Variants in UBL3 observed in about 807,000 individuals in gnomAD.
UBL3 encodes the protein ubiquitin-like protein 3.
Under a neutral mutation model 18.4 loss-of-function variants are expected in UBL3, and 6 were observed. The observed-to-expected ratio is 0.33, with a 90% confidence interval of 0.18 to 0.64. The LOEUF (loss-of-function observed/expected upper bound fraction) is 0.64. Among genes scored for constraint, UBL3 ranks in the 30% least tolerant of loss-of-function variants. The probability of loss-of-function intolerance (pLI) is 0.76; values close to 1 mark genes in which losing one functional copy is unlikely to be tolerated. For missense variants in UBL3, 109 were observed against 142.9 expected (o/e 0.76, Z 1.21); for synonymous variants, 49 against 46.6 (o/e 1.05, Z -0.21).
rs1243109254 is a variant in UBL3 at position 29,850,605 on chromosome 13, C to T, written c.-1067G>A. The T allele has an allele frequency of 6.4e-6, 1 of 156,018 alleles. No homozygotes were observed. The highest frequency in any genetic ancestry group is 1.4e-5 in the Non-Finnish European group (1 of 71,276). 9.7% of individuals were successfully genotyped at this position (156,018 alleles called of 1,614,324 possible). The stretch of plus-strand genomic sequence containing the variant: ...GCGGCAGCGGCGGCGGCGGCGGCTG[C>T]CTGAGTGCGACTAAGGGAAACGGGG... On this transcript the variant is annotated 5_prime_UTR_variant, in exon 1 of 5. Transcript: ENST00000380680.
At chr13:29,835,165 T>TATAA (rs1878925923) in intron 1 of UBL3, among the ~76,000 whole-genome samples, 3 of 49,838 alleles carry the variant, frequency 6.0e-5, no homozygotes, top group Admixed American at 2.9e-4. Flanking sequence ...TATATATATA[T>TATAA]ATATATATAT....
At chr13:29,816,992 T>C (rs1382015996) in intron 1 of UBL3, among the ~76,000 whole-genome samples, 1 of 152,146 alleles carries the variant, frequency 6.6e-6, no homozygotes, top group African/African-American at 2.4e-5. Flanking sequence ...GCAAAAGTTA[T>C]CCTGCCTGCA....
At position 29,826,711 on chromosome 13, in the gene UBL3, T is replaced by C. The variant is rs900907014; in HGVS notation, c.27+22801A>G. ...CAGTTCTGCTCTGATCTTAGTTATT[T>C]CTTGCCTTCTGCTAGCTTTTGAATG... On this transcript the variant is annotated intron_variant, in intron 1 of 4. Transcript: ENST00000380680. Among the ~76,000 whole-genome samples, 102 of 152,314 alleles carry C rather than the reference T, an allele frequency of 6.7e-4. 2 individuals are homozygous for C. Among genetic ancestry groups the C allele is most frequent in the Middle Eastern group, 3.4e-3 (1 of 294 alleles).
At chr13:29,791,242 C>T (rs1352527391) in intron 1 of UBL3, among the ~76,000 whole-genome samples, 1 of 152,144 alleles carries the variant, frequency 6.6e-6, no homozygotes, top group African/African-American at 2.4e-5. Flanking sequence ...CTGTCAGTTT[C>T]TCAGCCCAAT....
intron 1 of UBL3, among the ~76,000 whole-genome samples, chr13:29,832,075 C>A (rs1878791438): frequency 6.6e-6 from 1 of 152,198 alleles, no homozygotes; most frequent in African/African-American, 2.4e-5. Flanking sequence ...TAAGTTCTAT[C>A]AGACACCTGC....
chr13:29,767,133 A>T lies in UBL3; in HGVS notation c.*122T>A, dbSNP rs566980331. The T allele has an allele frequency of 4.4e-6, 4 of 902,206 alleles. No individual in the cohort carries two copies. In the South Asian group the frequency reaches 5.7e-5, roughly 13 times the overall value. 55.9% of individuals were successfully genotyped at this position (902,206 alleles called of 1,614,324 possible). On this transcript the variant is annotated 3_prime_UTR_variant, in exon 5 of 5. Coordinates refer to ENST00000380680, the MANE Select transcript of UBL3 (RefSeq NM_007106.4). Reference sequence around the variant, plus strand: ...AAAAGATGACAGTGTTCATGTGGTAATTCAGTTCCATGTGTTTACAGGCAG... The same window carrying T: ...AAAAGATGACAGTGTTCATGTGGTATTTCAGTTCCATGTGTTTACAGGCAG...
chr13:29,775,708 C>T (rs1156514362), intron 2 of UBL3, among the ~76,000 whole-genome samples: 22 of 152,082 alleles, frequency 1.4e-4, no homozygotes, highest in Admixed American at 1.4e-3. Context: ...CTCTGCCTCT[C>T]GGGTTCAAGA....
chr13:29,805,416 T>C (rs1215344257), intron 1 of UBL3, among the ~76,000 whole-genome samples: 1 of 152,220 alleles, frequency 6.6e-6, no homozygotes, highest in African/African-American at 2.4e-5. Flanking sequence ...ATTATATTTC[T>C]TGGCCCGGGC....
intron 1 of UBL3, among the ~76,000 whole-genome samples, chr13:29,823,559 G>C (rs1593669627): frequency 6.6e-6 from 1 of 152,356 alleles, no homozygotes; most frequent in African/African-American, 2.4e-5. Flanking sequence ...CAAGTACATT[G>C]AGAAATCACA....
chr13:29,809,237 G>A (rs753644037), intron 1 of UBL3, among the ~76,000 whole-genome samples: 2 of 152,066 alleles, frequency 1.3e-5, no homozygotes, highest in South Asian at 2.1e-4. Flanking sequence ...AGGGAACCTG[G>A]GGAGAGGGAG....
In UBL3 at chr13:29,849,641, C is replaced by A; in HGVS notation, c.-103G>T. Reference sequence around the variant, plus strand: ...AAATAAACCACGATTTTGACTGGTTCGTGATGTGCTTTCTCCCCCAAAAAT... The same window carrying A: ...AAATAAACCACGATTTTGACTGGTTAGTGATGTGCTTTCTCCCCCAAAAAT... On this transcript the variant is annotated 5_prime_UTR_variant, in exon 1 of 5. Coordinates refer to ENST00000380680, the MANE Select transcript of UBL3 (RefSeq NM_007106.4). 6.9e-7 allele frequency: 1 copy of A among 1,439,088 alleles called. No individual in the cohort carries two copies. Among genetic ancestry groups the A allele is most frequent in the South Asian group, 1.2e-5 (1 of 86,244 alleles). 89.1% of individuals were successfully genotyped at this position (1,439,088 alleles called of 1,614,324 possible).
chr13:29,836,723 G>C (rs1878971010), intron 1 of UBL3, among the ~76,000 whole-genome samples: 1 of 152,040 alleles, frequency 6.6e-6, no homozygotes, highest in Non-Finnish European at 1.5e-5. Flanking sequence ...TACCACCAAA[G>C]GGCCAGGAAT....
chr13:29,812,008 A>G (rs1026514903), intron 1 of UBL3, among the ~76,000 whole-genome samples: 2 of 151,890 alleles, frequency 1.3e-5, no homozygotes, highest in Non-Finnish European at 2.9e-5. Flanking sequence ...CTTCTCCAAT[A>G]TAGGTTGAAC....
chr13:29,788,756 T>C (rs1182897665), intron 1 of UBL3, among the ~76,000 whole-genome samples: 1 of 152,072 alleles, frequency 6.6e-6, no homozygotes, highest in Non-Finnish European at 1.5e-5. Flanking sequence ...GAATTCTTAA[T>C]TACTGTGAAA....
At chr13:29,816,358 T>A (rs1878280944) in intron 1 of UBL3, among the ~76,000 whole-genome samples, 1 of 152,186 alleles carries the variant, frequency 6.6e-6, no homozygotes, top group African/African-American at 2.4e-5. Context: ...AAGGAATTTT[T>A]ACCATATAAG....
At chr13:29,790,872 T>G (rs892332913) in intron 1 of UBL3, among the ~76,000 whole-genome samples, 2 of 152,104 alleles carry the variant, frequency 1.3e-5, no homozygotes, top group African/African-American at 4.8e-5. Context: ...TTTTCCAAGG[T>G]TCCCTCATCA....
intron 1 of UBL3, among the ~76,000 whole-genome samples, chr13:29,828,827 C>T (rs989264962): frequency 2.8e-4 from 43 of 152,092 alleles, no homozygotes; most frequent in African/African-American, 9.7e-4. Flanking sequence ...TGGTCTTTGA[C>T]GATGGTGACG....
intron 1 of UBL3, among the ~76,000 whole-genome samples, chr13:29,837,815 A>C (rs1878995939): frequency 1.3e-5 from 2 of 151,918 alleles, no homozygotes; most frequent in South Asian, 4.1e-4. Flanking sequence ...CTGTAATCCC[A>C]GCTACTAGGG....
chr13:29,822,374 C>G (rs1216781441), intron 1 of UBL3, among the ~76,000 whole-genome samples: 3 of 152,132 alleles, frequency 2.0e-5, no homozygotes, highest in Non-Finnish European at 4.4e-5. Flanking sequence ...AAAAACAAAA[C>G]AGTCCTTTTG....
Sources: allele counts gnomAD v4.1 joint callset (sites outside exome capture counted in the v4.1 genomes callset), GRCh38; gene constraint gnomAD v4.1.1; transcripts MANE v1.5; gene names NCBI Gene and HGNC (gene_info 2026-07-23, HGNC 2026-07-21).